TBC1D15: variants seen among roughly 807,000 people sequenced by gnomAD.
TBC1D15 encodes GAP for RAB7.
A neutral mutation model predicts 95.4 loss-of-function variants in TBC1D15; 39 were observed. The observed-to-expected ratio is 0.41, with a 90% CI of 0.32 to 0.53. The LOEUF is 0.53. Among genes scored for constraint, TBC1D15 ranks in the 20% least tolerant of loss-of-function variants. The pLI, the probability that TBC1D15 is intolerant of heterozygous loss-of-function variation, is 0.29. For synonymous variants in TBC1D15, 258 were observed against 261.3 expected (o/e 0.99, Z 0.12); for missense variants, 733 against 794.3 (o/e 0.92, Z 0.93).
chr12:71,922,687 A>G (rs988987815), intron 16 of TBC1D15, among the ~76,000 whole-genome samples: 2 of 152,236 alleles, frequency 1.3e-5, no homozygotes, highest in African/African-American at 4.8e-5. Flanking sequence ...AGATATTATT[A>G]CAAAAAGTAG....
intron 1 of TBC1D15, chr12:71,849,720 C>CGG (rs1322356194): frequency 3.6e-6 from 2 of 549,732 alleles, no homozygotes; most frequent in African/African-American, 3.8e-5. Flanking sequence ...TTCAAAGACT[C>CGG]GGGGGTCACT....
rs141689810 is a variant in TBC1D15, at chr12:71,893,538, GGTTCTTA to G, written c.657+218_657+224del. On this transcript the variant is annotated intron_variant, in intron 6 of 16. Transcript: ENST00000485960. ...ATTTGCAAGACTCAGAGGCTTCCTTGGTTCTTAGTTACTCATAAGGAAATTTCTCAGT... is the reference window on the plus strand; with the variant it reads ...ATTTGCAAGACTCAGAGGCTTCCTTGGTTACTCATAAGGAAATTTCTCAGT... 5.5e-3 allele frequency among the ~76,000 whole-genome samples: 841 copies of G among 151,686 alleles called. 3 individuals are homozygous for G. The highest frequency in any genetic ancestry group is 9.1e-3 in the Non-Finnish European group (616 of 67,772).
At chr12:71,886,794 C>T (rs1247232449) in intron 5 of TBC1D15, among the ~76,000 whole-genome samples, 1 of 152,094 alleles carries the variant, frequency 6.6e-6, no homozygotes, top group Non-Finnish European at 1.5e-5. Context: ...TCAGGAGAGA[C>T]AGTATCATGA....
intron 8 of TBC1D15, 164 bp downstream of exon 8, chr12:71,896,239 T>A (rs1898148312): frequency 8.7e-6 from 5 of 575,806 alleles, no homozygotes; most frequent in Non-Finnish European, 8.6e-6. Context: ...TGATGAATGA[T>A]GCCTTAAAAT....
chr12:71,851,826 G>A (rs1269430890), intron 1 of TBC1D15, among the ~76,000 whole-genome samples: 2 of 152,010 alleles, frequency 1.3e-5, no homozygotes, highest in Non-Finnish European at 2.9e-5. Flanking sequence ...CCCTGTGGCT[G>A]CTCTCAAGGG....
chr12:71,840,789 G>T (rs1480838109), intron 1 of TBC1D15, among the ~76,000 whole-genome samples: 1 of 152,144 alleles, frequency 6.6e-6, no homozygotes, highest in Non-Finnish European at 1.5e-5. Context: ...TTTGTGGTTT[G>T]GTGTTTGGAG....
intron 3 of TBC1D15, among the ~76,000 whole-genome samples, chr12:71,876,015 G>C (rs1455742333): frequency 6.6e-6 from 1 of 151,942 alleles, no homozygotes; most frequent in Admixed American, 6.6e-5. Context: ...TGCTGGTCTC[G>C]ATCTCCTGAC....
chr12:71,854,349 T>C (rs890158554), intron 1 of TBC1D15, among the ~76,000 whole-genome samples: 1 of 152,222 alleles, frequency 6.6e-6, no homozygotes, highest in Non-Finnish European at 1.5e-5. Flanking sequence ...AGTTTTTATA[T>C]AGGGTTTCTT....
At chr12:71,911,729 T>A (rs1457899540) in intron 11 of TBC1D15, among the ~76,000 whole-genome samples, 1 of 151,802 alleles carries the variant, frequency 6.6e-6, no homozygotes, top group African/African-American at 2.4e-5. Context: ...CATATGTAAC[T>A]AACCTGCACA....
At chr12:71,839,901 G>GGACTT in intron 1 of TBC1D15, 90 bp downstream of exon 1, 1 of 1,515,358 alleles carries the variant, frequency 6.6e-7, no homozygotes, top group Non-Finnish European at 9.1e-7. Flanking sequence ...GGGACACGAG[G>GGACTT]GACTTTCTGT....
At chr12:71,904,228 A>C (rs1379965160) in intron 10 of TBC1D15, among the ~76,000 whole-genome samples, 1 of 152,224 alleles carries the variant, frequency 6.6e-6, no homozygotes. Context: ...TGGGATGCCA[A>C]GTAAGATTAT....
chr12:71,876,668 TG>T (rs1022168921), intron 3 of TBC1D15, among the ~76,000 whole-genome samples: 2 of 152,146 alleles, frequency 1.3e-5, no homozygotes, highest in African/African-American at 4.8e-5. Flanking sequence ...AAAGAGTGCA[TG>T]GGAACAAAAA....
intron 1 of TBC1D15, among the ~76,000 whole-genome samples, chr12:71,867,011 A>T (rs1487416314): frequency 6.6e-6 from 1 of 152,222 alleles, no homozygotes; most frequent in Admixed American, 6.5e-5. Flanking sequence ...ATAAGATCAC[A>T]CCCTTAAAAA....
intron 6 of TBC1D15, 118 bp from the exon 7 acceptor site, chr12:71,894,567 AC>A: frequency 2.8e-6 from 3 of 1,090,480 alleles, no homozygotes; most frequent in Non-Finnish European, 3.9e-6. Context: ...ATCTTAGAAC[AC>A]TCTGTTTTAG....
intron 1 of TBC1D15, among the ~76,000 whole-genome samples, chr12:71,848,184 A>AT (rs1048335621): frequency 4.6e-5 from 7 of 152,176 alleles, no homozygotes; most frequent in Non-Finnish European, 8.8e-5. Context: ...ATATGCTTTC[A>AT]TTTTTCTTGA....
chr12:71,852,554 G>A (rs1888088834), intron 1 of TBC1D15, among the ~76,000 whole-genome samples: 2 of 152,134 alleles, frequency 1.3e-5, no homozygotes, highest in Admixed American at 6.5e-5. Flanking sequence ...ATAAGTTCCA[G>A]TTTCAGGTCA....
intron 5 of TBC1D15, among the ~76,000 whole-genome samples, chr12:71,888,356 C>T (rs547362686): frequency 2.6e-4 from 40 of 151,894 alleles, no homozygotes; most frequent in African/African-American, 8.9e-4. Context: ...ATCCCAGCTA[C>T]TCGGGAGGCT....
intron 5 of TBC1D15, among the ~76,000 whole-genome samples, chr12:71,890,607 C>A (rs1252452012): frequency 6.6e-6 from 1 of 152,108 alleles, no homozygotes; most frequent in Non-Finnish European, 1.5e-5. Flanking sequence ...TGCTAGTAAT[C>A]TAGGAATGGG....
chr12:71,914,881 C>A (rs1459455646), intron 12 of TBC1D15, among the ~76,000 whole-genome samples: 1 of 151,662 alleles, frequency 6.6e-6, no homozygotes, highest in Non-Finnish European at 1.5e-5. Flanking sequence ...GCCTATTTTT[C>A]TTTCTCCTTC....
Sources: gnomAD v4.1 joint callset for allele counts (sites outside exome capture counted in the v4.1 genomes callset) on GRCh38, gnomAD v4.1.1 for gene constraint, MANE v1.5 for transcripts, NCBI Gene and HGNC (gene_info 2026-07-23, HGNC 2026-07-21) for gene names.